Variants in CD81 observed in about 807,000 individuals in gnomAD.
The protein encoded by CD81 is CD81 antigen.
Under a neutral mutation model 30.1 loss-of-function variants are expected in CD81, and 10 were observed. The observed-to-expected ratio is 0.33, with a 90% CI of 0.21 to 0.56. The LOEUF is 0.56. Ranked by LOEUF, CD81 falls within the 20% of genes least tolerant of loss-of-function variation. CD81 has a pLI of 0.89. For synonymous variants in CD81, 147 were observed against 126.4 expected, an observed-to-expected ratio of 1.16 and a Z score of -1.10; for missense variants, 263 against 308.7, an observed-to-expected ratio of 0.85 and a Z score of 1.11.
intron 1 of CD81, among the ~76,000 whole-genome samples, chr11:2,384,898 A>G (rs1780458731): frequency 6.6e-6 from 1 of 152,118 alleles, no homozygotes; most frequent in Non-Finnish European, 1.5e-5. Flanking sequence ...CGCCTTGGTG[A>G]AAGGCACTCA....
chr11:2,395,536 G>A lies in CD81; in HGVS notation c.459+16G>A, dbSNP rs1455883826. ...CCACGAGACGGTGCGGCCCCGGGGG[G>A]CGAGGGCGGGGAGCAGGGCCCCGGG... On this transcript the variant is annotated intron_variant, in intron 5 of 7. Transcript: ENST00000263645. 3.1e-6 allele frequency: 5 copies of A among 1,602,900 alleles called. No homozygotes were observed. Among genetic ancestry groups the A allele is most frequent in the Middle Eastern group, 1.7e-4 (1 of 6,052 alleles).
intron 1 of CD81, among the ~76,000 whole-genome samples, chr11:2,381,680 G>C (rs1849707829): frequency 6.6e-6 from 1 of 152,258 alleles, no homozygotes; most frequent in South Asian, 2.1e-4. Flanking sequence ...GGTGGGGCTG[G>C]GGCTGGAGAG....
At position 2,377,598 on chromosome 11, in the gene CD81, T is replaced by G; in HGVS notation, c.49T>G (p.Phe17Val). 1 of 1,543,396 alleles carries G rather than the reference T, an allele frequency of 6.5e-7. No individual in the cohort carries two copies. The highest frequency in any genetic ancestry group is 8.8e-7 in the Non-Finnish European group (1 of 1,142,498). ...TKCIKYLLFV[F>V]NFVFWLAGGV... ...GTGCATCAAGTACCTGCTCTTCGTC[T>G]TCAATTTCGTCTTCTGGGTAAGGGC... Residue 17 changes from phenylalanine (F) to valine (V), a missense_variant, in exon 1 of 8, where the codon TTC becomes GTC. Transcript: ENST00000263645. This position sits in a 1 kb window ranked among gnomAD's most constrained non-coding sequence, Gnocchi z 7.7.
At chr11:2,394,723 C>T in intron 3 of CD81, 1 of 604,074 alleles carries the variant, frequency 1.7e-6, no homozygotes, top group South Asian at 1.9e-5. Flanking sequence ...ACGCCCCGCC[C>T]CATCCACCCC....
intron 1 of CD81, among the ~76,000 whole-genome samples, chr11:2,383,224 C>T (rs1468369120): frequency 6.6e-6 from 1 of 152,178 alleles, no homozygotes; most frequent in Non-Finnish European, 1.5e-5. Flanking sequence ...CCTCTTCCCT[C>T]CATGCTGCCT....
At chr11:2,380,960 C>T (rs1394839188) in intron 1 of CD81, among the ~76,000 whole-genome samples, 1 of 152,216 alleles carries the variant, frequency 6.6e-6, no homozygotes, top group African/African-American at 2.4e-5. Flanking sequence ...TTAGAAGCCT[C>T]GCTCACGGGT....
chr11:2,395,781 T>C (rs1589854210), intron 5 of CD81, 88 bp from the exon 6 acceptor site: 2 of 898,318 alleles, frequency 2.2e-6, no homozygotes, highest in East Asian at 4.8e-5. Flanking sequence ...GAGCGCTGCG[T>C]ACCCCTGGCC....
intron 2 of CD81, chr11:2,391,208 C>G (rs1473490693): frequency 6.2e-6 from 1 of 161,352 alleles, no homozygotes; most frequent in Non-Finnish European, 1.4e-5. Context: ...GCTCTGGGAG[C>G]ATTTGTTGAG....
At chr11:2,380,735 A>G (rs1849691484) in intron 1 of CD81, among the ~76,000 whole-genome samples, 2 of 152,098 alleles carry the variant, frequency 1.3e-5, no homozygotes, top group Middle Eastern at 3.4e-3. Context: ...GGGACAGGGA[A>G]CTGGCCTGTG....
intron 1 of CD81, chr11:2,384,660 G>A: frequency 5.0e-6 from 1 of 199,246 alleles, no homozygotes; most frequent in Admixed American, 5.7e-5. Context: ...GGTGGGAGCA[G>A]GTGGCAGAGA....
At chr11:2,391,609 G>A (rs1231768431) in intron 2 of CD81, 1 of 152,190 alleles carries the variant, frequency 6.6e-6, no homozygotes, top group East Asian at 1.9e-4. Context: ...AGAGACAGAA[G>A]CCTGTGGCCC....
Position 2,390,496 on chromosome 11 carries a change from G to T in CD81, c.151G>T (p.Asp51Tyr), listed in dbSNP as rs1179760665. 6.2e-7 allele frequency: 1 copy of T among 1,612,940 alleles called. No individual in the cohort carries two copies. The highest frequency in any genetic ancestry group is 8.5e-7 in the Non-Finnish European group (1 of 1,179,928). The change falls in exon 2 of 8, where the codon GAC becomes TAC. Residue 51 changes from aspartate (D) to tyrosine (Y), a missense_variant. By Grantham distance (160) the Asp-to-Tyr change is radical. Coordinates refer to ENST00000263645, the MANE Select transcript of CD81 (RefSeq NM_004356.4). ...TTNLLYLELG[D>Y]KPAPNTFYVG... The stretch of plus-strand genomic sequence containing the variant: ...CAACCTCCTGTATCTGGAGCTGGGA[G>T]ACAAGCCCGCGCCCAACACCTTCTA...
At chr11:2,387,425 G>A (rs1176684564) in intron 1 of CD81, among the ~76,000 whole-genome samples, 1 of 152,212 alleles carries the variant, frequency 6.6e-6, no homozygotes, top group Non-Finnish European at 1.5e-5. Flanking sequence ...AGGCCCTGGA[G>A]GAAGCCAGAG....
At chr11:2,381,404 CCTT>C (rs1037693277) in intron 1 of CD81, among the ~76,000 whole-genome samples, 17 of 152,332 alleles carry the variant, frequency 1.1e-4, no homozygotes, top group African/African-American at 3.4e-4. Context: ...GTTTGAGGGT[CCTT>C]CTCCTGCACC....
Position 2,377,692 on chromosome 11 carries a change from C to T in CD81, c.66+77C>T. ...GTTGGGCAGGTCCCGCGGCAGCGTG[C>T]TAGGCCCCGCGGGCGCAGCGCGGGC... On this transcript the variant is annotated intron_variant, in intron 1 of 7. Transcript: ENST00000263645. The surrounding 1 kb of genome is among the most constrained non-coding windows in gnomAD (Gnocchi z 7.7). 1 of 980,954 alleles carries T rather than the reference C, an allele frequency of 1.0e-6. No homozygotes were observed. Among genetic ancestry groups the T allele is most frequent in the Non-Finnish European group, 1.4e-6 (1 of 699,376 alleles). 60.8% of individuals were successfully genotyped at this position (980,954 alleles called of 1,614,324 possible). A position where few individuals can be genotyped will look rare whatever the true frequency, so the allele number is the denominator to read the frequency against.
At chr11:2,388,100 G>A (rs933749599) in intron 1 of CD81, among the ~76,000 whole-genome samples, 1 of 152,156 alleles carries the variant, frequency 6.6e-6, no homozygotes, top group Non-Finnish European at 1.5e-5. Context: ...AGGCTGGAGT[G>A]CAGTGGCACA....
intron 2 of CD81, chr11:2,393,325 C>A (rs563577901): frequency 2.6e-4 from 40 of 154,814 alleles, no homozygotes; most frequent in Middle Eastern, 3.4e-3. Context: ...GTGCGCCCCC[C>A]ACCCTTGGAC....
chr11:2,381,801 G>C (rs941180764), intron 1 of CD81, among the ~76,000 whole-genome samples: 2 of 152,186 alleles, frequency 1.3e-5, no homozygotes, highest in African/African-American at 2.4e-5. Context: ...CTTGTTCCCA[G>C]CACCCCTCTG....
chr11:2,395,352 G>A (rs918596836), intron 4 of CD81, 64 bp from the exon 5 acceptor site: 6 of 1,328,838 alleles, frequency 4.5e-6, no homozygotes, highest in East Asian at 2.4e-5. Context: ...CGCCTGGGGC[G>A]GGGCGGGGTG....
Sources: allele counts gnomAD v4.1 joint callset (sites outside exome capture counted in the v4.1 genomes callset), GRCh38; gene constraint gnomAD v4.1.1; non-coding constraint Gnocchi (gnomAD v3.1); transcripts MANE v1.5; gene names NCBI Gene and HGNC (gene_info 2026-07-23, HGNC 2026-07-21).